KIRREL3: variants seen among roughly 807,000 people sequenced by gnomAD.
KIRREL3 encodes the protein kirre like nephrin family adhesion molecule 3.
KIRREL3 carries 36 observed loss-of-function variants against 89.7 expected under a neutral mutation model. The observed-to-expected ratio is 0.40, with a 90% CI of 0.31 to 0.53. The LOEUF is 0.53. Ranked by LOEUF, KIRREL3 falls within the 20% of genes least tolerant of loss-of-function variation. The pLI is 0.49. For synonymous variants in KIRREL3, 445 were observed against 441.4 expected (o/e 1.01, Z -0.10); for missense variants, 864 against 1,056.6 (o/e 0.82, Z 2.53).
rs1313854957 is a variant in KIRREL3 at position 126,501,473 on chromosome 11, A to G, written c.433+19842T>C. The stretch of plus-strand genomic sequence containing the variant: ...GCAGAGCGCAGGTCGAGCAGATTCT[A>G]CCGCAGCCCGTCCTGGGTCCTGTTG... On this transcript the variant is annotated intron_variant, in intron 4 of 16. Transcript: ENST00000525144. This position sits in a 1 kb window ranked among gnomAD's most constrained non-coding sequence, Gnocchi z 5.8. 6.6e-6 allele frequency among the ~76,000 whole-genome samples: 1 copy of G among 152,130 alleles called. No homozygotes were observed. The highest frequency in any genetic ancestry group is 2.4e-5 in the African/African-American group (1 of 41,428).
At chr11:126,466,599 TCTTTTGCTTCACTC>T (rs964391166) in intron 5 of KIRREL3, among the ~76,000 whole-genome samples, 1 of 152,252 alleles carries the variant, frequency 6.6e-6, no homozygotes, top group African/African-American at 2.4e-5. Context: ...CTCTCTTGTT[TCTTTTGCTTCACTC>T]CTTTTCAGAA....
At chr11:126,775,605 G>T (rs1950147967) in intron 1 of KIRREL3, among the ~76,000 whole-genome samples, 1 of 152,142 alleles carries the variant, frequency 6.6e-6, no homozygotes, top group African/African-American at 2.4e-5. Context: ...TCGCTGCTGG[G>T]TCTTTAGGGC....
rs1938375786 is a variant in KIRREL3, at chr11:126,541,621, C to A, written c.134-14934G>T. 6.6e-6 allele frequency among the ~76,000 whole-genome samples: 1 copy of A among 152,332 alleles called. No homozygotes were observed. The highest frequency in any genetic ancestry group is 1.5e-5 in the Non-Finnish European group (1 of 68,020). ...CACCTGGGGGACTGGCTAAAAATAA[C>A]AGTTTCCTGGGCTCCAACTCAGAGA... On this transcript the variant is annotated intron_variant, in intron 2 of 16. Transcript: ENST00000525144. This position sits in a 1 kb window ranked among gnomAD's most constrained non-coding sequence, Gnocchi z 4.8.
At chr11:126,665,305 G>C (rs61899058) in intron 1 of KIRREL3, among the ~76,000 whole-genome samples, 94 of 152,264 alleles carry the variant, frequency 6.2e-4, no homozygotes, top group African/African-American at 2.1e-3. Context: ...CAGCTCTGAG[G>C]GGAAAAATTC....
chr11:126,865,942 T>C (rs1944903720), intron 1 of KIRREL3, among the ~76,000 whole-genome samples: 1 of 152,164 alleles, frequency 6.6e-6, no homozygotes, highest in Non-Finnish European at 1.5e-5. Flanking sequence ...GGCTGCCTCC[T>C]CTGCGCTGAA....
intron 1 of KIRREL3, among the ~76,000 whole-genome samples, chr11:126,735,045 G>A (rs1180322537): frequency 6.6e-6 from 1 of 152,194 alleles, no homozygotes; most frequent in African/African-American, 2.4e-5. Flanking sequence ...CAGAAAGCAA[G>A]GGCTTTCCTA....
chr11:126,601,175 T>C lies in KIRREL3; in HGVS notation c.56-38263A>G, dbSNP rs975976520. ...ATGTATTTATGAACCAGCCTCTATC[T>C]AAGGGAGAGAATTTATGTCTCTTCA... On this transcript the variant is annotated intron_variant, in intron 1 of 16. Coordinates refer to ENST00000525144, the MANE Select transcript of KIRREL3 (RefSeq NM_032531.4). The surrounding 1 kb of genome is among the most constrained non-coding windows in gnomAD (Gnocchi z 5.8). Among the ~76,000 whole-genome samples the C allele has an allele frequency of 6.6e-6, 1 of 152,134 alleles. No individual in the cohort carries two copies. Among genetic ancestry groups the C allele is most frequent in the Non-Finnish European group, 1.5e-5 (1 of 68,026 alleles).
chr11:126,452,820 G>A (rs976945305), intron 7 of KIRREL3, among the ~76,000 whole-genome samples: 15 of 152,128 alleles, frequency 9.9e-5, no homozygotes, highest in Admixed American at 2.6e-4. Flanking sequence ...CTCAGGACCC[G>A]ACAGAGCCCG....
At position 126,755,878 on chromosome 11, in the gene KIRREL3, CAGAG is replaced by C. The variant is rs10699844; in HGVS notation, c.56-192970_56-192967del. ...GAGGGAGAGAGGGAGAGAGAAAAAA[CAGAG>C]AGAGAGAGAGAGAGAGAAGACTGAG... On this transcript the variant is annotated intron_variant, in intron 1 of 16. Coordinates refer to ENST00000525144, the MANE Select transcript of KIRREL3 (RefSeq NM_032531.4). This position sits in a 1 kb window ranked among gnomAD's most constrained non-coding sequence, Gnocchi z 4.3. Among the ~76,000 whole-genome samples, 10 of 148,722 alleles carry C rather than the reference CAGAG, an allele frequency of 6.7e-5. No homozygotes were observed. The highest frequency in any genetic ancestry group is 2.0e-4 in the Admixed American group (3 of 14,902).
intron 2 of KIRREL3, among the ~76,000 whole-genome samples, chr11:126,534,469 G>T (rs892912707): frequency 6.6e-6 from 1 of 152,138 alleles, no homozygotes; most frequent in Non-Finnish European, 1.5e-5. Context: ...CCTGCTCGCC[G>T]CCTGGAAGGT....
Position 126,656,633 on chromosome 11 carries a change from T to G in KIRREL3, c.56-93721A>C, listed in dbSNP as rs1945151437. Among the ~76,000 whole-genome samples the G allele has an allele frequency of 6.6e-6, 1 of 152,216 alleles. No homozygotes were observed. Among genetic ancestry groups the G allele is most frequent in the Admixed American group, 6.5e-5 (1 of 15,284 alleles). ...TTAAATCTTCATGCTTTTACCACCTTATACTGAGTAAGAAGATGAATTTGC... is the reference window on the plus strand; with the variant it reads ...TTAAATCTTCATGCTTTTACCACCTGATACTGAGTAAGAAGATGAATTTGC... On this transcript the variant is annotated intron_variant, in intron 1 of 16. Transcript: ENST00000525144. This position sits in a 1 kb window ranked among gnomAD's most constrained non-coding sequence, Gnocchi z 4.0.
intron 1 of KIRREL3, among the ~76,000 whole-genome samples, chr11:126,644,912 G>T (rs1006013531): frequency 6.6e-5 from 10 of 152,186 alleles, no homozygotes; most frequent in Non-Finnish European, 1.2e-4. Context: ...CCTTTGACCA[G>T]CCCTCCTGAC....
Position 126,440,431 on chromosome 11 carries a change from C to T in KIRREL3, c.1353+18G>A. On this transcript the variant is annotated intron_variant, in intron 11 of 16. Transcript: ENST00000525144. ...GGCTGCTGGCCCGGCCCCCGCCCGC[C>T]GTCCCTGGAGCACTCACGATGCGGT... is the stretch of plus-strand genomic sequence containing the variant. 6.4e-7 allele frequency: 1 copy of T among 1,554,428 alleles called. No homozygotes were observed. The highest frequency in any genetic ancestry group is 8.7e-7 in the Non-Finnish European group (1 of 1,149,986).
At chr11:126,502,566 C>G (rs551017250) in intron 4 of KIRREL3, among the ~76,000 whole-genome samples, 103 of 152,302 alleles carry the variant, frequency 6.8e-4, no homozygotes, top group African/African-American at 2.4e-3. Context: ...TCCTTTTTCT[C>G]TTTTGGTGCT....
rs55920555 is a variant in KIRREL3, at chr11:126,998,956, T to TGTGTGCGC, written c.55+1498_55+1499insGCGCACAC. Among the ~76,000 whole-genome samples the TGTGTGCGC allele has an allele frequency of 5.8e-5, 7 of 120,690 alleles. No individual in the cohort carries two copies. In the East Asian group the frequency reaches 1.6e-3, roughly 27 times the overall value. The allele number at this position is 120,690 out of a possible 152,430, so 79.2% of individuals were successfully genotyped here. On this transcript the variant is annotated intron_variant, in intron 1 of 16. Coordinates refer to ENST00000525144, the MANE Select transcript of KIRREL3 (RefSeq NM_032531.4). ...GTGTGTGTGTGTGTGTGTGTGTGTG[T>TGTGTGCGC]GCTCATAAGCAAGCACATACACATC...
chr11:126,439,406 A>G (rs1471943140), intron 11 of KIRREL3, among the ~76,000 whole-genome samples: 2 of 151,376 alleles, frequency 1.3e-5, no homozygotes, highest in African/African-American at 2.4e-5. Flanking sequence ...GGGTCTCACT[A>G]TGTTGCCCAG....
At position 126,561,828 on chromosome 11, in the gene KIRREL3, G is replaced by C. The variant is rs539699924; in HGVS notation, c.133+1007C>G. On this transcript the variant is annotated intron_variant, in intron 2 of 16. Transcript: ENST00000525144. This position sits in a 1 kb window ranked among gnomAD's most constrained non-coding sequence, Gnocchi z 4.5. The stretch of plus-strand genomic sequence containing the variant: ...CAGCTGGCAAAGTCTCAGGCATGGG[G>C]AGCGCATGGGGATGTGGTTGTCGTG... Among the ~76,000 whole-genome samples, 1 of 152,348 alleles carries C rather than the reference G, an allele frequency of 6.6e-6. No homozygotes were observed. Among genetic ancestry groups the C allele is most frequent in the Admixed American group, 6.5e-5 (1 of 15,308 alleles).
Position 126,954,865 on chromosome 11 carries a change from C to G in KIRREL3, c.55+45590G>C, listed in dbSNP as rs555401802. Among the ~76,000 whole-genome samples, 1 of 152,162 alleles carries G rather than the reference C, an allele frequency of 6.6e-6. No homozygotes were observed. Among genetic ancestry groups the G allele is most frequent in the Non-Finnish European group, 1.5e-5 (1 of 68,038 alleles). On this transcript the variant is annotated intron_variant, in intron 1 of 16. Transcript: ENST00000525144. This position sits in a 1 kb window ranked among gnomAD's most constrained non-coding sequence, Gnocchi z 4.1. ...CCTATCATCATACGGCAAGCAGCAG[C>G]TCTTAGGTAATGAAAGCAGAAAGAA...
upstream of KIRREL3, chr11:127,003,235 G>A (rs1166046603): frequency 6.6e-6 from 1 of 152,346 alleles, no homozygotes; most frequent in Admixed American, 6.5e-5. Flanking sequence ...CACCACGTGG[G>A]GCAGAGAACG....
Sources: allele counts gnomAD v4.1 joint callset (sites outside exome capture counted in the v4.1 genomes callset), GRCh38; gene constraint gnomAD v4.1.1; non-coding constraint Gnocchi (gnomAD v3.1); transcripts MANE v1.5; gene names NCBI Gene and HGNC (gene_info 2026-07-23, HGNC 2026-07-21).